MTMR8: variants seen among roughly 807,000 people sequenced by gnomAD.
MTMR8 encodes myotubularin related protein 8.
MTMR8 carries 65 observed loss-of-function variants against 39.3 expected under a neutral mutation model. That is an observed-to-expected ratio of 1.65 (90% CI 1.35 to 2.03). The LOEUF (loss-of-function observed/expected upper bound fraction) is 2.03. Among genes scored for constraint, MTMR8 ranks in the 30% most tolerant of loss-of-function variants. The pLI is 0.00. For synonymous variants in MTMR8, 245 were observed against 185.2 expected, an observed-to-expected ratio of 1.32 and a Z score of -2.62; for missense variants, 777 against 538.9, an observed-to-expected ratio of 1.44 and a Z score of -4.37.
chrX:64,309,419 G>A (rs1343105650), intron 12 of MTMR8, among the ~76,000 whole-genome samples: 1 of 110,263 alleles, frequency 9.1e-6, no homozygotes, highest in Non-Finnish European at 1.9e-5. Context: ...TAGTATGTTG[G>A]AAAGCAATTG....
At chrX:64,358,978 C>T (rs1007038679) in intron 2 of MTMR8, among the ~76,000 whole-genome samples, 1 of 110,051 alleles carries the variant, frequency 9.1e-6, no homozygotes, top group Non-Finnish European at 1.9e-5. Context: ...ATCAGCATAA[C>T]CTGAGCCCTT....
chrX:64,294,516 C>A (rs1921501158), intron 12 of MTMR8, among the ~76,000 whole-genome samples: 1 of 111,979 alleles, frequency 8.9e-6, no homozygotes, highest in Non-Finnish European at 1.9e-5. Context: ...GAGGTTATCA[C>A]AACTGTGAGC....
Position 64,337,349 on chromosome X carries a change from A to G in MTMR8, c.1020T>C (p.Asp340=). The change falls in exon 9 of 14, where the codon GAT becomes GAC. Residue 340 remains aspartate, a synonymous_variant. Transcript: ENST00000374852. Reference sequence around the variant, plus strand: ...AGACTTGTGCTGTGCGGTCCCATCCATCAGAACAATGGACTAAGACACTGG... The same window carrying G: ...AGACTTGTGCTGTGCGGTCCCATCCGTCAGAACAATGGACTAAGACACTGG... The part of the protein sequence containing the change: ...EKASVLVHCS[D]GWDRTAQVCS... The G allele has an allele frequency of 8.3e-7, 1 of 1,210,250 alleles. No homozygotes were observed.
chrX:64,299,776 T>G (rs1414082176), intron 12 of MTMR8, among the ~76,000 whole-genome samples: 9 of 101,312 alleles, frequency 8.9e-5, no homozygotes, highest in Admixed American at 2.2e-4. Flanking sequence ...TCTGGTATGT[T>G]GTGTCTTTGT....
At chrX:64,321,356 AATAG>A (rs1000714663) in intron 12 of MTMR8, among the ~76,000 whole-genome samples, 3 of 112,247 alleles carry the variant, frequency 2.7e-5, no homozygotes, top group African/African-American at 6.5e-5. Context: ...TATCTCACCA[AATAG>A]ATAGCATCAA....
At chrX:64,328,701 C>T in intron 12 of MTMR8, 71 bp downstream of exon 12, 1 of 1,030,241 alleles carries the variant, frequency 9.7e-7, no homozygotes, top group Non-Finnish European at 1.3e-6. Context: ...TGGCAGCTAT[C>T]CAAGGAGAAG....
Position 64,325,440 on chromosome X carries a change from A to C in MTMR8, c.1481+3332T>G, listed in dbSNP as rs150227748. 4.6e-3 allele frequency among the ~76,000 whole-genome samples: 513 copies of C among 112,061 alleles called. 4 individuals carry two copies. Among genetic ancestry groups the C allele is most frequent in the African/African-American group, 0.015 (472 of 30,921 alleles). On this transcript the variant is annotated intron_variant, in intron 12 of 13. Coordinates refer to ENST00000374852, the MANE Select transcript of MTMR8 (RefSeq NM_017677.4). The stretch of plus-strand genomic sequence containing the variant: ...CAATAGCACATTAAAAAGATTATTC[A>C]CTATGATCAAGTGGAACTCATCCCA...
chrX:64,335,549 G>A (rs1381895554), intron 10 of MTMR8, among the ~76,000 whole-genome samples: 1 of 112,283 alleles, frequency 8.9e-6, no homozygotes, highest in Non-Finnish European at 1.9e-5. Context: ...TAAAGCCTTA[G>A]TGAGGCAGTT....
intron 1 of MTMR8, among the ~76,000 whole-genome samples, chrX:64,369,623 G>C (rs1316135461): frequency 1.8e-5 from 2 of 110,415 alleles, no homozygotes; most frequent in Non-Finnish European, 3.8e-5. Context: ...ATGGAGGAGG[G>C]GGCAGGGGAA....
At chrX:64,370,319 T>A (rs1332228208) in intron 1 of MTMR8, among the ~76,000 whole-genome samples, 2 of 110,639 alleles carry the variant, frequency 1.8e-5, no homozygotes, top group Non-Finnish European at 3.8e-5. Flanking sequence ...GCTTCTAACA[T>A]GTATATTCAT....
chrX:64,343,829 G>T lies in MTMR8; in HGVS notation c.866-109C>A. On this transcript the variant is annotated intron_variant, in intron 7 of 13. Transcript: ENST00000374852. ...TAAGTGAGGAAGCTGAGGCAGAAAG[G>T]TTAAATGATTAGTTAGAAACCACAC... The T allele has an allele frequency of 7.5e-6, 4 of 530,972 alleles. No homozygotes were observed. In the South Asian group the frequency reaches 8.6e-5, roughly 11 times the overall value. The allele number at this position is 530,972 out of a possible 1,213,427, so 43.8% of individuals were successfully genotyped here.
intron 1 of MTMR8, among the ~76,000 whole-genome samples, chrX:64,388,646 G>A (rs1007492405): frequency 4.5e-5 from 5 of 112,060 alleles, no homozygotes; most frequent in Non-Finnish European, 9.4e-5. Context: ...GAGTTAGAAG[G>A]AACCTTCCAG....
chrX:64,302,107 T>C (rs1014350400), intron 12 of MTMR8, among the ~76,000 whole-genome samples: 1 of 112,865 alleles, frequency 8.9e-6, no homozygotes. Flanking sequence ...GTTCGAGCTT[T>C]CTGGCTGCTT....
At chrX:64,371,612 C>A (rs1320861180) in intron 1 of MTMR8, among the ~76,000 whole-genome samples, 2 of 111,030 alleles carry the variant, frequency 1.8e-5, no homozygotes, top group Non-Finnish European at 3.8e-5. Flanking sequence ...TTTTAGAAAG[C>A]AATATGGAAA....
At chrX:64,362,430 A>G (rs1291990489) in intron 1 of MTMR8, among the ~76,000 whole-genome samples, 2 of 100,667 alleles carry the variant, frequency 2.0e-5, no homozygotes, top group Non-Finnish European at 4.0e-5. Flanking sequence ...GGGGAAAAAA[A>G]TCAACAACAA....
chrX:64,389,662 C>T (rs1383360035), intron 1 of MTMR8, among the ~76,000 whole-genome samples: 1 of 111,859 alleles, frequency 8.9e-6, no homozygotes, highest in Non-Finnish European at 1.9e-5. Flanking sequence ...CTGAGACAGG[C>T]TGATCTTTGA....
chrX:64,299,888 C>T (rs1246071318), intron 12 of MTMR8, among the ~76,000 whole-genome samples: 3 of 81,967 alleles, frequency 3.7e-5, no homozygotes, highest in Non-Finnish European at 4.7e-5. Context: ...AGTTGAGCGG[C>T]TTTGAGTGAG....
chrX:64,337,594 G>C (rs750842192), intron 8 of MTMR8, among the ~76,000 whole-genome samples: 6 of 111,687 alleles, frequency 5.4e-5, no homozygotes, highest in African/African-American at 2.0e-4. Flanking sequence ...TTACCACATA[G>C]GAAAAGAATA....
At chrX:64,389,989 A>G (rs1280432145) in intron 1 of MTMR8, among the ~76,000 whole-genome samples, 1 of 112,070 alleles carries the variant, frequency 8.9e-6, no homozygotes, top group Non-Finnish European at 1.9e-5. Flanking sequence ...GGGGAGCACA[A>G]TTCTCACCTC....
Sources: gnomAD v4.1 joint callset for allele counts (sites outside exome capture counted in the v4.1 genomes callset) on GRCh38, gnomAD v4.1.1 for gene constraint, MANE v1.5 for transcripts, NCBI Gene and HGNC (gene_info 2026-07-23, HGNC 2026-07-21) for gene names.